The following RPS6KA2 variants were observed in gnomAD, a reference collection of about 807,000 sequenced individuals.
RPS6KA2 encodes the protein ribosomal protein S6 kinase alpha-2.
In RPS6KA2, 42 loss-of-function variants were observed where a neutral mutation model predicts 91.8. The observed-to-expected ratio is 0.46, with a 90% confidence interval of 0.36 to 0.59. The LOEUF is 0.59. Ranked by LOEUF, RPS6KA2 falls within the 20% of genes least tolerant of loss-of-function variation. RPS6KA2 has a pLI of 0.00. For synonymous variants in RPS6KA2, 414 were observed against 393.6 expected (o/e 1.05, Z -0.61); for missense variants, 798 against 978.5 (o/e 0.82, Z 2.46).
chr6:166,652,834 A>C (rs1017369902), intron 2 of RPS6KA2, among the ~76,000 whole-genome samples: 1 of 152,194 alleles, frequency 6.6e-6, no homozygotes, highest in Non-Finnish European at 1.5e-5. Flanking sequence ...TTCAGCAGGC[A>C]AGCACTATAA....
chr6:166,547,666 C>T (rs992927281), intron 1 of RPS6KA2, among the ~76,000 whole-genome samples: 15 of 152,204 alleles, frequency 9.9e-5, no homozygotes, highest in Non-Finnish European at 1.5e-4. Flanking sequence ...GTGTGCAGCA[C>T]GAGGTCATGT....
At chr6:166,480,515 A>ATATATATATATATATATATATAT (rs1438315609) in intron 10 of RPS6KA2, among the ~76,000 whole-genome samples, 1 of 84,366 alleles carries the variant, frequency 1.2e-5, no homozygotes, top group African/African-American at 6.1e-5. Context: ...ATATATATAT[A>ATATATATATATATATATATATAT]ATATATTTTT....
chr6:166,762,914 T>C (rs1274197338), intron 2 of RPS6KA2, among the ~76,000 whole-genome samples: 1 of 152,246 alleles, frequency 6.6e-6, no homozygotes, highest in African/African-American at 2.4e-5. Context: ...TTCACATGCT[T>C]CTGTGATAAC....
chr6:166,432,188 T>C (rs552432603), intron 15 of RPS6KA2, among the ~76,000 whole-genome samples: 1 of 152,318 alleles, frequency 6.6e-6, no homozygotes, highest in East Asian at 1.9e-4. Context: ...TCCTCTGTTT[T>C]ACTTGCTCCC....
chr6:166,526,905 C>T (rs1783067343), intron 3 of RPS6KA2, among the ~76,000 whole-genome samples: 1 of 152,230 alleles, frequency 6.6e-6, no homozygotes, highest in Admixed American at 6.5e-5. Flanking sequence ...CTCACTACTG[C>T]TCAAGTCACT....
At chr6:166,627,308 A>C, upstream of RPS6KA2, 1 of 820,364 alleles carries the variant, frequency 1.2e-6, no homozygotes, top group Non-Finnish European at 1.5e-6. Flanking sequence ...ACCACCAATC[A>C]GCGCCCGCCG....
In RPS6KA2 at chr6:166,717,834, T is replaced by C. The variant is rs55994129; in HGVS notation, c.123+140366A>G. On this transcript the variant is annotated intron_variant, in intron 2 of 21. Transcript: ENST00000503859. ...TGATTGTTTTATTATTTGTCATTTTTCTTTTTTCTTCTTTTCTTTCTTTTT... is the reference window on the plus strand; with the variant it reads ...TGATTGTTTTATTATTTGTCATTTTCCTTTTTTCTTCTTTTCTTTCTTTTT... Among the ~76,000 whole-genome samples, 608 of 151,146 alleles carry C rather than the reference T, an allele frequency of 4.0e-3. 2 individuals are homozygous for C. Among genetic ancestry groups the C allele is most frequent in the Non-Finnish European group, 6.9e-3 (469 of 67,928 alleles).
At chr6:166,792,987 G>A (rs1289009777) in intron 2 of RPS6KA2, among the ~76,000 whole-genome samples, 2 of 152,002 alleles carry the variant, frequency 1.3e-5, no homozygotes, top group Non-Finnish European at 2.9e-5. Context: ...TCAACATAGT[G>A]TTGGAAGTTC....
rs1382227970 is a variant in RPS6KA2 at position 166,726,679 on chromosome 6, T to C, written c.123+131521A>G. ...AGAACTGGATCTCGTGTACTGATGCTGCTGGCAGCATTGGAAAGTGACTCT... is the reference window on the plus strand; with the variant it reads ...AGAACTGGATCTCGTGTACTGATGCCGCTGGCAGCATTGGAAAGTGACTCT... On this transcript the variant is annotated intron_variant, in intron 2 of 21. Coordinates refer to the RPS6KA2 transcript ENST00000503859. This position sits in a 1 kb window ranked among gnomAD's most constrained non-coding sequence, Gnocchi z 4.4. Among the ~76,000 whole-genome samples the C allele has an allele frequency of 2.6e-5, 4 of 152,270 alleles. No homozygotes were observed. The highest frequency in any genetic ancestry group is 5.9e-5 in the Non-Finnish European group (4 of 68,046).
chr6:166,690,853 G>C (rs892640357), intron 2 of RPS6KA2, among the ~76,000 whole-genome samples: 1 of 152,092 alleles, frequency 6.6e-6, no homozygotes, highest in Non-Finnish European at 1.5e-5. Context: ...TCTGACCACG[G>C]AGACCCTGAA....
intron 1 of RPS6KA2, chr6:166,858,274 A>G (rs1780962145): frequency 6.8e-7 from 1 of 1,460,570 alleles, no homozygotes; most frequent in Non-Finnish European, 9.5e-7. Context: ...TAACAAAGAT[A>G]GATGTTAAAG....
chr6:166,627,784 A>G (rs1395675579), upstream of RPS6KA2: 1 of 152,158 alleles, frequency 6.6e-6, no homozygotes, highest in Non-Finnish European at 1.5e-5. Context: ...TTCCTTCCTT[A>G]AAACATCCCT....
chr6:166,599,639 G>A (rs555547289), intron 1 of RPS6KA2, among the ~76,000 whole-genome samples: 24 of 152,240 alleles, frequency 1.6e-4, no homozygotes, highest in Non-Finnish European at 7.4e-5. Flanking sequence ...ACCAACAGAC[G>A]CATGAATTTA....
chr6:166,654,968 AT>A (rs75614789), intron 2 of RPS6KA2, among the ~76,000 whole-genome samples: 41,235 of 151,806 alleles, frequency 0.27, 5,887 homozygotes, highest in East Asian at 0.41. Context: ...GTAAAAAAAA[AT>A]ATCAGGTGTC....
chr6:166,702,872 A>T (rs1562391640), intron 2 of RPS6KA2: 2 of 899,132 alleles, frequency 2.2e-6, no homozygotes, highest in Non-Finnish European at 3.6e-6. Context: ...AAAATTAATG[A>T]GAAAAACGAA....
At chr6:166,625,320 A>AC (rs1474972568) in intron 1 of RPS6KA2, among the ~76,000 whole-genome samples, 413 of 22,620 alleles carry the variant, frequency 0.018, 1 homozygote, top group African/African-American at 0.024. Flanking sequence ...TCCTATTCCC[A>AC]CCACCCCCCC....
At chr6:166,522,417 T>C (rs926230620) in intron 3 of RPS6KA2, among the ~76,000 whole-genome samples, 3 of 152,190 alleles carry the variant, frequency 2.0e-5, no homozygotes, top group African/African-American at 7.2e-5. Context: ...CACACACCTC[T>C]GTGGGGGGCT....
At position 166,767,280 on chromosome 6, in the gene RPS6KA2, C is replaced by A. The variant is rs771597692; in HGVS notation, c.123+90920G>T. Among the ~76,000 whole-genome samples, 1 of 152,204 alleles carries A rather than the reference C, an allele frequency of 6.6e-6. No homozygotes were observed. The highest frequency in any genetic ancestry group is 1.5e-5 in the Non-Finnish European group (1 of 68,040). On this transcript the variant is annotated intron_variant, in intron 2 of 21. Coordinates refer to the RPS6KA2 transcript ENST00000503859. The surrounding 1 kb of genome is among the most constrained non-coding windows in gnomAD (Gnocchi z 4.6). ...ATACAACTGCGACTACCGTCTCACA[C>A]GCTTCAGCTTGCAAGGCAGAGGCAC...
At chr6:166,741,124 G>C (rs574659508) in intron 2 of RPS6KA2, among the ~76,000 whole-genome samples, 2 of 152,352 alleles carry the variant, frequency 1.3e-5, no homozygotes, top group South Asian at 4.1e-4. Context: ...AAGATGGCTT[G>C]CAGAAAAACA....
Sources: allele counts gnomAD v4.1 joint callset (sites outside exome capture counted in the v4.1 genomes callset), GRCh38; gene constraint gnomAD v4.1.1; non-coding constraint Gnocchi (gnomAD v3.1); transcripts MANE v1.5; gene names NCBI Gene and HGNC (gene_info 2026-07-23, HGNC 2026-07-21).